NCALD: variants seen among roughly 807,000 people sequenced by gnomAD.
The protein encoded by NCALD is neurocalcin-delta.
NCALD carries 10 observed loss-of-function variants against 18.6 expected under a neutral mutation model. The ratio of observed to expected loss-of-function variants is 0.54; its 90% CI spans 0.33 to 0.91. NCALD has a LOEUF of 0.91. Ranked by LOEUF, NCALD falls within the 40% of genes least tolerant of loss-of-function variation. The pLI, the probability that NCALD is intolerant of heterozygous loss-of-function variation, is 0.03. For missense variants in NCALD, 184 were observed against 247.6 expected (o/e 0.74, Z 1.72); for synonymous variants, 88 against 87.4 (o/e 1.01, Z -0.04).
At chr8:102,109,972 C>T (rs1007333166) in intron 1 of NCALD, among the ~76,000 whole-genome samples, 1 of 151,992 alleles carries the variant, frequency 6.6e-6, no homozygotes, top group Non-Finnish European at 1.5e-5. Flanking sequence ...TTCACTTAAC[C>T]CTACGTCCCA....
chr8:101,936,117 G>C (rs1818754149), intron 2 of NCALD, among the ~76,000 whole-genome samples: 3 of 152,118 alleles, frequency 2.0e-5, no homozygotes, highest in Non-Finnish European at 4.4e-5. Context: ...AGAGTGAGGA[G>C]GGGGTTGGTT....
At chr8:101,987,060 TA>T (rs1322413218) in intron 2 of NCALD, among the ~76,000 whole-genome samples, 1 of 152,162 alleles carries the variant, frequency 6.6e-6, no homozygotes, top group African/African-American at 2.4e-5. Context: ...AAGAAAGGTA[TA>T]GACAGTATTT....
intron 1 of NCALD, among the ~76,000 whole-genome samples, chr8:102,023,700 G>T (rs1822357842): frequency 6.6e-6 from 1 of 152,234 alleles, no homozygotes; most frequent in Non-Finnish European, 1.5e-5. Context: ...GGGCTTTCCA[G>T]TTCCGAGACC....
chr8:101,772,442 A>C (rs187248839), intron 1 of NCALD, among the ~76,000 whole-genome samples: 2 of 152,324 alleles, frequency 1.3e-5, no homozygotes, highest in Admixed American at 1.3e-4. Context: ...TGGCCTGTTA[A>C]GATTTGGACT....
At position 101,982,602 on chromosome 8, in the gene NCALD, A is replaced by G. The variant is rs548626767; in HGVS notation, c.-157+37635T>C. ...ATGCCTGTAATCCCAGCACTTTGAG[A>G]GGCCGAGGCTGGTGGATCAGGAGGT... On this transcript the variant is annotated intron_variant, in intron 2 of 6. Coordinates refer to the NCALD transcript ENST00000311028. Among the ~76,000 whole-genome samples, 3 of 152,288 alleles carry G rather than the reference A, an allele frequency of 2.0e-5. No individual in the cohort carries two copies. In the East Asian group the frequency reaches 5.8e-4, roughly 29 times the overall value.
At chr8:101,874,863 G>A (rs951067004) in intron 4 of NCALD, among the ~76,000 whole-genome samples, 3 of 152,044 alleles carry the variant, frequency 2.0e-5, no homozygotes, top group African/African-American at 7.3e-5. Context: ...CTCTTCCTAA[G>A]TAGAACAGGA....
intron 1 of NCALD, among the ~76,000 whole-genome samples, chr8:102,096,746 G>A (rs1825115763): frequency 6.6e-6 from 1 of 152,226 alleles, no homozygotes; most frequent in African/African-American, 2.4e-5. Flanking sequence ...GACTCAGGAA[G>A]ATTCTGTATC....
At chr8:101,887,855 T>C (rs1173169355) in intron 3 of NCALD, among the ~76,000 whole-genome samples, 1 of 152,162 alleles carries the variant, frequency 6.6e-6, no homozygotes, top group Non-Finnish European at 1.5e-5. Context: ...AAAGTAAGAC[T>C]GGTTTTGGGA....
At chr8:101,812,427 G>T (rs1813339650) in intron 4 of NCALD, among the ~76,000 whole-genome samples, 1 of 152,134 alleles carries the variant, frequency 6.6e-6, no homozygotes, top group East Asian at 1.9e-4. Context: ...AGAAGTGAGA[G>T]CCCAGACAGT....
intron 3 of NCALD, among the ~76,000 whole-genome samples, chr8:101,893,459 C>T (rs1293012631): frequency 2.1e-5 from 3 of 144,552 alleles, no homozygotes; most frequent in Non-Finnish European, 4.5e-5. Context: ...CATCAACTAA[C>T]GAGCAAAATA....
chr8:101,842,188 T>C (rs1343051368), intron 4 of NCALD, among the ~76,000 whole-genome samples: 1 of 152,166 alleles, frequency 6.6e-6, no homozygotes, highest in East Asian at 1.9e-4. Context: ...ATACGAGTCA[T>C]ACTGGATTAG....
At chr8:101,837,571 C>T (rs1183968543) in intron 4 of NCALD, among the ~76,000 whole-genome samples, 1 of 152,168 alleles carries the variant, frequency 6.6e-6, no homozygotes, top group East Asian at 1.9e-4. Flanking sequence ...CCCACTGGGG[C>T]TACTGCTGGT....
chr8:102,053,629 C>T (rs1369781959), intron 1 of NCALD, among the ~76,000 whole-genome samples: 2 of 152,106 alleles, frequency 1.3e-5, no homozygotes, highest in Non-Finnish European at 2.9e-5. Context: ...AAGCTGGCAA[C>T]GTTAACCACC....
chr8:102,061,802 T>A (rs1202743578), intron 1 of NCALD, among the ~76,000 whole-genome samples: 2 of 152,234 alleles, frequency 1.3e-5, no homozygotes, highest in African/African-American at 4.8e-5. Flanking sequence ...GCATCTACCC[T>A]GGTGAAATTT....
chr8:101,948,278 G>A (rs896174866), intron 2 of NCALD, among the ~76,000 whole-genome samples: 2 of 152,204 alleles, frequency 1.3e-5, no homozygotes, highest in Non-Finnish European at 1.5e-5. Flanking sequence ...TGACCAAGTT[G>A]ACAGGACTTA....
At chr8:102,093,196 T>C (rs1824982256) in intron 1 of NCALD, among the ~76,000 whole-genome samples, 1 of 152,080 alleles carries the variant, frequency 6.6e-6, no homozygotes, top group South Asian at 2.1e-4. Flanking sequence ...GTTGTATAAC[T>C]GAATGACTTC....
chr8:102,073,734 C>G (rs1408596913), intron 1 of NCALD, among the ~76,000 whole-genome samples: 1 of 152,188 alleles, frequency 6.6e-6, no homozygotes, highest in Admixed American at 6.5e-5. Context: ...CTTCAGGACC[C>G]TTTCTGAGGG....
chr8:102,116,192 G>C (rs1464254182), intron 1 of NCALD, among the ~76,000 whole-genome samples: 2 of 152,094 alleles, frequency 1.3e-5, no homozygotes, highest in East Asian at 3.8e-4. Flanking sequence ...CAGCAACATG[G>C]CACATGTATA....
intron 1 of NCALD, among the ~76,000 whole-genome samples, chr8:101,744,969 G>C (rs184708981): frequency 2.8e-5 from 4 of 141,180 alleles, no homozygotes; most frequent in Non-Finnish European, 4.6e-5. Flanking sequence ...TGGTGCCTTT[G>C]TAGGAATCAA....
Sources: gnomAD v4.1 joint callset for allele counts (sites outside exome capture counted in the v4.1 genomes callset) on GRCh38, gnomAD v4.1.1 for gene constraint, MANE v1.5 for transcripts, NCBI Gene and HGNC (gene_info 2026-07-23, HGNC 2026-07-21) for gene names.